The following XRN2 variants were observed in gnomAD, a reference collection of about 807,000 sequenced individuals.
XRN2 encodes the protein DHM1-like protein.
A neutral mutation model predicts 138.5 loss-of-function variants in XRN2; 44 were observed. The ratio of observed to expected loss-of-function variants is 0.32; its 90% confidence interval spans 0.25 to 0.41. The LOEUF (loss-of-function observed/expected upper bound fraction) is 0.41, where lower values mean the gene tolerates loss of function less well. Among genes scored for constraint, XRN2 ranks in the 10% least tolerant of loss-of-function variants. XRN2 has a pLI of 1.00. For synonymous variants in XRN2, 354 were observed against 369.4 expected (o/e 0.96, Z 0.48); for missense variants, 937 against 1,169.3 (o/e 0.80, Z 2.90).
Position 21,356,636 on chromosome 20 carries a change from T to A in XRN2, c.2169T>A (p.Ser723=). 6.2e-7 allele frequency: 1 copy of A among 1,613,738 alleles called. No individual in the cohort carries two copies. Among genetic ancestry groups the A allele is most frequent in the East Asian group, 2.2e-5 (1 of 44,856 alleles). The change falls in exon 23 of 30, where the codon TCT becomes TCA. Residue 723 remains serine, a synonymous_variant. Coordinates refer to ENST00000377191, the MANE Select transcript of XRN2 (RefSeq NM_012255.5). ...ELCHGIQGKF[S]LDEEAILPDQ... ...GTCATGGGATTCAAGGAAAGTTTTC[T>A]TTGGATGAAGAAGCCATTCTTCCAG...
At position 21,332,455 on chromosome 20, in the gene XRN2, A is replaced by G; in HGVS notation, c.858+15A>G. ...AGAAGGGAAAGGTAAGAACTTTGAG[A>G]TGGTAGTTGCCTCATTAAAAAAAAA... On this transcript the variant is annotated intron_variant, in intron 9 of 29. Transcript: ENST00000377191. 6.4e-7 allele frequency: 1 copy of G among 1,568,226 alleles called. No individual in the cohort carries two copies. Among genetic ancestry groups the G allele is most frequent in the Non-Finnish European group, 8.6e-7 (1 of 1,161,490 alleles).
intron 1 of XRN2, chr20:21,303,851 A>C (rs975334091): frequency 4.1e-5 from 42 of 1,023,698 alleles, no homozygotes; most frequent in Admixed American, 5.8e-5. Context: ...ATGCCAGGTC[A>C]GCTGAGCTAG....
chr20:21,368,046 T>G (rs913979881), intron 26 of XRN2, among the ~76,000 whole-genome samples: 10 of 152,178 alleles, frequency 6.6e-5, no homozygotes, highest in Admixed American at 2.0e-4. Context: ...GGTTTATGTG[T>G]TGGAATTACA....
intron 20 of XRN2, among the ~76,000 whole-genome samples, chr20:21,352,532 T>C (rs1288386014): frequency 2.0e-5 from 3 of 152,140 alleles, no homozygotes; most frequent in South Asian, 2.1e-4. Flanking sequence ...GATTTCACCA[T>C]GTTGGCCAGG....
chr20:21,358,107 A>C (rs575685691), intron 24 of XRN2, among the ~76,000 whole-genome samples: 136 of 152,304 alleles, frequency 8.9e-4, no homozygotes, highest in Non-Finnish European at 1.4e-3. Flanking sequence ...AGGAACAAAC[A>C]GAACTCTACA....
At chr20:21,304,689 A>C (rs903770446) in intron 1 of XRN2, among the ~76,000 whole-genome samples, 2 of 152,164 alleles carry the variant, frequency 1.3e-5, no homozygotes, top group African/African-American at 4.8e-5. Context: ...CCCTCCCTCT[A>C]TACTCTTAAT....
chr20:21,381,907 TCAAGAAC>T, intron 27 of XRN2, 80 bp from the exon 28 acceptor site: 4 of 1,107,916 alleles, frequency 3.6e-6, no homozygotes, highest in Admixed American at 3.1e-5. Context: ...CAGATTTTTT[TCAAGAAC>T]TTTTAATTAT....
At position 21,379,381 on chromosome 20, in the gene XRN2, T is replaced by C. The variant is rs566442452; in HGVS notation, c.2585-2613T>C. Among the ~76,000 whole-genome samples the C allele has an allele frequency of 7.9e-5, 12 of 152,362 alleles. No individual in the cohort carries two copies. The East Asian group carries it at 2.1e-3, about 27-fold the overall frequency. ...CTGCTTTATGAATACTTCCAGGTTA[T>C]ATATGTTACTAAGAGCCATATGAAG... On this transcript the variant is annotated intron_variant, in intron 27 of 29. Coordinates refer to ENST00000377191, the MANE Select transcript of XRN2 (RefSeq NM_012255.5).
chr20:21,356,718 AT>A, intron 23 of XRN2, 53 bp downstream of exon 23: 2 of 1,463,050 alleles, frequency 1.4e-6, no homozygotes, highest in African/African-American at 1.4e-5. Flanking sequence ...TTTAGTTAGG[AT>A]TTTTTTCCTT....
At chr20:21,354,670 C>A in intron 20 of XRN2, 119 bp from the exon 21 acceptor site, 1 of 886,356 alleles carries the variant, frequency 1.1e-6, no homozygotes, top group South Asian at 1.6e-5. Context: ...GAGTTCAGTT[C>A]CAAAATGTTT....
At chr20:21,370,845 A>G (rs2122325535) in intron 27 of XRN2, among the ~76,000 whole-genome samples, 1 of 152,314 alleles carries the variant, frequency 6.6e-6, no homozygotes, top group Middle Eastern at 3.4e-3. Flanking sequence ...ATGCCCATTT[A>G]TCAAAGAATT....
intron 1 of XRN2, among the ~76,000 whole-genome samples, chr20:21,310,157 A>T (rs927919760): frequency 7.9e-5 from 12 of 152,124 alleles, no homozygotes; most frequent in African/African-American, 2.9e-4. Context: ...TTTCATTTTC[A>T]TCCACTTAAA....
At chr20:21,353,750 G>C (rs905155708) in intron 20 of XRN2, among the ~76,000 whole-genome samples, 1 of 149,002 alleles carries the variant, frequency 6.7e-6, no homozygotes, top group Non-Finnish European at 1.5e-5. Context: ...AGCAATGATC[G>C]TGCCACTGCA....
chr20:21,362,080 T>C (rs1283002134), intron 24 of XRN2, among the ~76,000 whole-genome samples: 1 of 152,196 alleles, frequency 6.6e-6, no homozygotes, highest in Non-Finnish European at 1.5e-5. Context: ...TGGTTTGTAT[T>C]GTATTAAGTG....
At chr20:21,354,528 C>A (rs1353719029) in intron 20 of XRN2, among the ~76,000 whole-genome samples, 1 of 152,046 alleles carries the variant, frequency 6.6e-6, no homozygotes, top group Non-Finnish European at 1.5e-5. Flanking sequence ...ATTTTTATCA[C>A]CATGGAGTTA....
chr20:21,388,032 T>C (rs2038953633), intron 29 of XRN2, among the ~76,000 whole-genome samples: 1 of 152,238 alleles, frequency 6.6e-6, no homozygotes, highest in African/African-American at 2.4e-5. Flanking sequence ...CTAAAAATCG[T>C]GTCAGTGAAC....
chr20:21,308,247 C>A (rs1157804092), intron 1 of XRN2, among the ~76,000 whole-genome samples: 11 of 151,938 alleles, frequency 7.2e-5, no homozygotes, highest in Admixed American at 5.9e-4. Flanking sequence ...TTTATTTATT[C>A]AGATGATTGA....
At chr20:21,356,049 G>A (rs754960672) in intron 21 of XRN2, 31 bp from the exon 22 acceptor site, 3 of 1,573,814 alleles carry the variant, frequency 1.9e-6, no homozygotes, top group Admixed American at 3.6e-5. Flanking sequence ...ATTTTTTTAT[G>A]TGTAGGTCTT....
intron 13 of XRN2, among the ~76,000 whole-genome samples, chr20:21,336,450 A>G (rs941681558): frequency 1.3e-5 from 2 of 152,334 alleles, no homozygotes; most frequent in South Asian, 2.1e-4. Context: ...CGACAGAGCA[A>G]GTCTCTTGTC....
Sources: allele counts gnomAD v4.1 joint callset (sites outside exome capture counted in the v4.1 genomes callset), GRCh38; gene constraint gnomAD v4.1.1; transcripts MANE v1.5; gene names NCBI Gene and HGNC (gene_info 2026-07-23, HGNC 2026-07-21).